The following CEP152 variants were observed in gnomAD, a reference collection of about 807,000 sequenced individuals.
The protein encoded by CEP152 is centrosomal protein 152, also known as centrosomal protein of 152 kDa.
CEP152 carries 132 observed loss-of-function variants against 188.9 expected under a neutral mutation model. That is an observed-to-expected ratio of 0.70 (90% CI 0.61 to 0.81). The LOEUF is 0.81. Ranked by LOEUF, CEP152 falls within the 30% of genes least tolerant of loss-of-function variation. CEP152 has a pLI of 0.00. For missense variants in CEP152, 1,914 were observed against 1,969.8 expected (o/e 0.97, Z 0.54); for synonymous variants, 649 against 666.6 (o/e 0.97, Z 0.41).
Position 48,738,419 on chromosome 15 carries a change from T to C in CEP152, c.4963A>G (p.Asn1655Asp), listed in dbSNP as rs1435590083. 1.6e-5 allele frequency: 26 copies of C among 1,614,208 alleles called. No homozygotes were observed. Among genetic ancestry groups the C allele is most frequent in the Non-Finnish European group, 2.2e-5 (26 of 1,180,014 alleles). Residue 1655 changes from asparagine to aspartate, a missense_variant, in exon 27 of 27, where the codon AAT (asparagine) becomes GAT (aspartate). Coordinates refer to ENST00000380950, the MANE Select transcript of CEP152 (RefSeq NM_001194998.2). ...TYLEPGKISV[N>D]CGHPSRHKAD... ...TTATGACGAGATGGGTGTCCACAATTCACACTGATCTTTCCTGGCTCCAAA... is the reference window on the plus strand; with the variant it reads ...TTATGACGAGATGGGTGTCCACAATCCACACTGATCTTTCCTGGCTCCAAA...
chr15:48,757,141 G>C (rs1894336365), intron 19 of CEP152, among the ~76,000 whole-genome samples: 1 of 151,076 alleles, frequency 6.6e-6, no homozygotes, highest in Non-Finnish European at 1.5e-5. Flanking sequence ...TAACTAAAAA[G>C]TAATAGCGAA....
At chr15:48,763,617 T>C (rs1894854216) in intron 17 of CEP152, among the ~76,000 whole-genome samples, 1 of 151,380 alleles carries the variant, frequency 6.6e-6, no homozygotes, top group Admixed American at 6.6e-5. Flanking sequence ...GAGGTTGCAG[T>C]GAGCCGAGAT....
rs182367234 is a variant in CEP152 at position 48,738,510 on chromosome 15, A to G, written c.4872T>C (p.Asn1624=). The change falls in exon 27 of 27, where the codon AAT becomes AAC. Residue 1624 remains asparagine, a synonymous_variant. Coordinates refer to ENST00000380950, the MANE Select transcript of CEP152 (RefSeq NM_001194998.2). The stretch of plus-strand genomic sequence containing the variant: ...GACATTTCATTGTTTGACAAATCAT[A>G]TTACTTTCCTCTGTATCTGAAAGAT... ...SGYLSDTEES[N]MICQTMKCQR... The G allele has an allele frequency of 4.0e-5, 64 of 1,614,168 alleles. No individual in the cohort carries two copies. The East Asian group carries it at 1.4e-3, about 35-fold the overall frequency.
At chr15:48,757,282 T>C (rs1295811143) in intron 19 of CEP152, among the ~76,000 whole-genome samples, 1 of 152,168 alleles carries the variant, frequency 6.6e-6, no homozygotes, top group Admixed American at 6.5e-5. Context: ...GGCCCATTCC[T>C]CAACTTCTTT....
Position 48,789,012 on chromosome 15 carries a change from C to A in CEP152, c.973-11G>T. 1 of 1,609,912 alleles carries A rather than the reference C, an allele frequency of 6.2e-7. No homozygotes were observed. The highest frequency in any genetic ancestry group is 8.5e-7 in the Non-Finnish European group (1 of 1,176,216). On this transcript the variant is annotated splice_polypyrimidine_tract_variant and intron_variant, in intron 8 of 26. Transcript: ENST00000380950. ...GGACTTCTTGATCATCTAGTAAATA[C>A]ACACAGGATATCCATGTTTAAAATA...
In CEP152 at chr15:48,782,178, C is replaced by T. The variant is rs1430593637; in HGVS notation, c.1374G>A (p.Lys458=). 2 of 1,613,912 alleles carry T rather than the reference C, an allele frequency of 1.2e-6. No individual in the cohort carries two copies. Among genetic ancestry groups the T allele is most frequent in the Admixed American group, 3.3e-5 (2 of 60,016 alleles). ...QLQFQLQQAQ[K]AHAMSANMNK... is the part of the protein sequence containing the mutation. ...TCATGTTTGCACTCATAGCATGTGC[C>T]TTCTGTGCTTGCTGCAGCTGGAACT... is the stretch of plus-strand genomic sequence containing the variant. Residue 458 remains lysine (K), a synonymous_variant, in exon 11 of 27, where the codon AAG becomes AAA. Transcript: ENST00000380950.
chr15:48,788,193 A>T (rs1362838316), intron 9 of CEP152, among the ~76,000 whole-genome samples: 1 of 152,230 alleles, frequency 6.6e-6, no homozygotes, highest in Non-Finnish European at 1.5e-5. Flanking sequence ...CCATATAAAC[A>T]ACATACACAA....
chr15:48,762,612 T>C lies in CEP152; in HGVS notation c.2341A>G (p.Ile781Val), dbSNP rs141920668. 15 of 1,614,052 alleles carry C rather than the reference T, an allele frequency of 9.3e-6. No individual in the cohort carries two copies. The East Asian group carries it at 2.9e-4, about 31-fold the overall frequency. The change falls in exon 18 of 27, where the codon ATA (isoleucine) becomes GTA (valine). Residue 781 changes from isoleucine (I) to valine (V), a missense_variant. Transcript: ENST00000380950. ...AAGGTCTTCTTTTTCATTGCCTTTA[T>C]AGTTTGATCCAGCTTAGACTGCCAC... Reference protein sequence around the residue: ...KEWQSKLDQTIKAMKKKTLDC... With the variant: ...KEWQSKLDQTVKAMKKKTLDC...
chr15:48,807,079 C>G (rs1023644449), intron 1 of CEP152, among the ~76,000 whole-genome samples: 1 of 152,166 alleles, frequency 6.6e-6, no homozygotes, highest in Non-Finnish European at 1.5e-5. Flanking sequence ...CTACACCCAA[C>G]CCGTCCCTTT....
chr15:48,808,441 A>G (rs1339394322), intron 1 of CEP152, among the ~76,000 whole-genome samples: 1 of 152,064 alleles, frequency 6.6e-6, no homozygotes, highest in Non-Finnish European at 1.5e-5. Flanking sequence ...AAATTTGCAA[A>G]GCACCTGACA....
intron 1 of CEP152, among the ~76,000 whole-genome samples, chr15:48,809,840 G>A (rs2899423): frequency 0.38 from 58,257 of 152,038 alleles, 11,697 homozygotes; most frequent in Middle Eastern, 0.46. Context: ...GAATAAAGAG[G>A]ATTCCGCATA....
intron 2 of CEP152, among the ~76,000 whole-genome samples, chr15:48,730,494 A>C (rs946852876): frequency 6.6e-6 from 1 of 152,176 alleles, no homozygotes; most frequent in Admixed American, 6.5e-5. Flanking sequence ...GGAAAACCTA[A>C]GAAAGCCCAT....
chr15:48,747,525 C>G (rs560771066), intron 22 of CEP152, among the ~76,000 whole-genome samples: 1 of 152,248 alleles, frequency 6.6e-6, no homozygotes, highest in Non-Finnish European at 1.5e-5. Flanking sequence ...ACAAGAGCAG[C>G]CCACTTCACC....
chr15:48,738,864 G>C lies in CEP152; in HGVS notation c.4518C>G (p.Pro1506=). The change falls in exon 27 of 27, where the codon CCC becomes CCG. Residue 1506 remains proline, a synonymous_variant. Transcript: ENST00000380950. ...AAGGACCAGGGGTACATCTAGGTGA[G>C]GGTTTATTTCCTAAGGTTCCAAGAA... ...YPFLGTLGNK[P]SPRCTPGPSE... is the part of the protein sequence containing the mutation. The C allele has an allele frequency of 6.2e-7, 1 of 1,614,208 alleles. No individual in the cohort carries two copies. The highest frequency in any genetic ancestry group is 8.5e-7 in the Non-Finnish European group (1 of 1,180,022).
chr15:48,762,065 A>C (rs1001945889), intron 18 of CEP152, among the ~76,000 whole-genome samples: 23 of 152,250 alleles, frequency 1.5e-4, no homozygotes, highest in Admixed American at 7.2e-4. Context: ...CTAAAAAATT[A>C]GATATGAAAG....
chr15:48,730,687 T>C (rs574107069), intron 2 of CEP152, among the ~76,000 whole-genome samples: 3 of 152,124 alleles, frequency 2.0e-5, no homozygotes, highest in Non-Finnish European at 2.9e-5. Flanking sequence ...CAACCAATAA[T>C]TGAATAATCA....
chr15:48,756,289 G>A lies in CEP152; in HGVS notation c.2959C>T (p.Arg987Ter), dbSNP rs267606718. The A allele has an allele frequency of 1.1e-5, 17 of 1,576,606 alleles. No homozygotes were observed. The highest frequency in any genetic ancestry group is 2.7e-5 in the African/African-American group (2 of 72,850). Residue 987 changes from arginine to a stop codon, truncating the protein, a stop_gained, in exon 20 of 27, where the codon CGA (arginine) becomes TGA (stop). Coordinates refer to ENST00000380950, the MANE Select transcript of CEP152 (RefSeq NM_001194998.2). LOFTEE classifies it high-confidence loss of function. ...QDYRQFLDDH[R>*]NKINEVLAAA... The stretch of plus-strand genomic sequence containing the variant: ...GCAAGCACCTCATTAATTTTATTTC[G>A]GTGATCATCTAAAAATTGCCGGTAA...
chr15:48,769,172 A>G, intron 13 of CEP152, 91 bp from the exon 14 acceptor site: 1 of 1,036,620 alleles, frequency 9.6e-7, no homozygotes, highest in Non-Finnish European at 1.4e-6. Flanking sequence ...AATTGCAAAC[A>G]GTACAAATAA....
intron 10 of CEP152, chr15:48,783,349 ACT>A (rs1473132209): frequency 2.0e-5 from 3 of 152,132 alleles, no homozygotes; most frequent in African/African-American, 7.2e-5. Flanking sequence ...CAAAAATGTA[ACT>A]CTCTGGCCTC....
Sources: gnomAD v4.1 joint callset for allele counts (sites outside exome capture counted in the v4.1 genomes callset) on GRCh38, gnomAD v4.1.1 for gene constraint, MANE v1.5 for transcripts, NCBI Gene and HGNC (gene_info 2026-07-23, HGNC 2026-07-21) for gene names.